SRPK1: variants seen among roughly 807,000 people sequenced by gnomAD.
SRPK1 encodes the protein SRSF protein kinase 1, also known as SFRS protein kinase 1.
Under a neutral mutation model 89.5 loss-of-function variants are expected in SRPK1, and 52 were observed. The ratio of observed to expected loss-of-function variants is 0.58; its 90% CI spans 0.46 to 0.73. The LOEUF is 0.73. SRPK1 is among the 30% of genes least tolerant of loss of function. The pLI is 0.00. For missense variants in SRPK1, 603 were observed against 780.6 expected (o/e 0.77, Z 2.71); for synonymous variants, 255 against 270.2 (o/e 0.94, Z 0.55).
At chr6:35,891,112 T>C in intron 2 of SRPK1, 99 bp from the exon 3 acceptor site, 3 of 1,410,150 alleles carry the variant, frequency 2.1e-6, no homozygotes, top group Non-Finnish European at 1.9e-6. Flanking sequence ...TTTCAGATAA[T>C]ATGAACAGAG....
intron 6 of SRPK1, among the ~76,000 whole-genome samples, chr6:35,881,304 A>G (rs950299785): frequency 6.6e-6 from 1 of 152,204 alleles, no homozygotes; most frequent in African/African-American, 2.4e-5. Flanking sequence ...TATAAAAGCT[A>G]ATATTGTAAT....
intron 6 of SRPK1, among the ~76,000 whole-genome samples, chr6:35,885,328 G>GAGAT (rs1770386093): frequency 7.1e-6 from 1 of 141,532 alleles, no homozygotes; most frequent in Admixed American, 7.2e-5. Context: ...GAGAGAGAGA[G>GAGAT]AGCCATCTAC....
At chr6:35,857,541 C>T (rs999582299) in intron 12 of SRPK1, among the ~76,000 whole-genome samples, 173 bp from the exon 13 acceptor site, 5 of 151,684 alleles carry the variant, frequency 3.3e-5, no homozygotes, top group African/African-American at 1.2e-4. Context: ...CAATCCTTTG[C>T]CTTACACACA....
At chr6:35,915,285 T>C (rs1771062916) in intron 2 of SRPK1, among the ~76,000 whole-genome samples, 1 of 151,510 alleles carries the variant, frequency 6.6e-6, no homozygotes, top group African/African-American at 2.4e-5. Context: ...CGGGCGCCTG[T>C]AGTCCCGGCT....
intron 2 of SRPK1, among the ~76,000 whole-genome samples, chr6:35,900,272 T>G (rs991909147): frequency 2.0e-5 from 3 of 152,188 alleles, no homozygotes; most frequent in Non-Finnish European, 4.4e-5. Context: ...GATGCCTACC[T>G]CATAGGGCAT....
In SRPK1 at chr6:35,888,930, G is replaced by C. The variant is rs757160688; in HGVS notation, c.194-7C>G. ...TTCACAAGATGATAACCTCCTGGAA[G>C]AAACAGGGGAAATACAATCAGAAAA... is the stretch of plus-strand genomic sequence containing the variant. On this transcript the variant is annotated splice_polypyrimidine_tract_variant and splice_region_variant and intron_variant, in intron 3 of 15. Coordinates refer to ENST00000373825, the MANE Select transcript of SRPK1 (RefSeq NM_003137.5). The C allele has an allele frequency of 1.3e-6, 2 of 1,560,860 alleles. No homozygotes were observed. The highest frequency in any genetic ancestry group is 1.4e-5 in the African/African-American group (1 of 73,798).
intron 10 of SRPK1, 129 bp downstream of exon 10, chr6:35,870,152 C>CA (rs1769999260): frequency 1.1e-6 from 1 of 899,634 alleles, no homozygotes; most frequent in African/African-American, 1.7e-5. Flanking sequence ...ACATTTATGA[C>CA]AAGATCCATA....
At chr6:35,906,235 T>A (rs1008960361) in intron 2 of SRPK1, among the ~76,000 whole-genome samples, 3 of 152,152 alleles carry the variant, frequency 2.0e-5, no homozygotes, top group Non-Finnish European at 4.4e-5. Flanking sequence ...TTTTATTATT[T>A]TTTTTTTGAG....
chr6:35,910,082 C>T (rs566282436), intron 2 of SRPK1, among the ~76,000 whole-genome samples: 75 of 152,192 alleles, frequency 4.9e-4, no homozygotes, highest in Middle Eastern at 3.4e-3. Flanking sequence ...CTCCTGGGTT[C>T]AAGAGATTCT....
At chr6:35,919,811 T>TA (rs1581605660) in intron 2 of SRPK1, among the ~76,000 whole-genome samples, 2 of 152,338 alleles carry the variant, frequency 1.3e-5, no homozygotes, top group East Asian at 3.9e-4. Context: ...CTCCCGTTAC[T>TA]ATTGTGATGT....
intron 2 of SRPK1, among the ~76,000 whole-genome samples, chr6:35,906,371 T>G (rs1309282455): frequency 6.6e-6 from 1 of 152,118 alleles, no homozygotes; most frequent in Non-Finnish European, 1.5e-5. Flanking sequence ...ATTACAGGCG[T>G]GCACCATCAC....
At chr6:35,888,407 GGATA>G (rs758011383) in intron 4 of SRPK1, among the ~76,000 whole-genome samples, 16 of 152,142 alleles carry the variant, frequency 1.1e-4, no homozygotes, top group East Asian at 1.9e-4. Context: ...TGCAAAATGA[GGATA>G]AATAAGGGGA....
chr6:35,838,929 A>C, intron 14 of SRPK1: 3 of 976,218 alleles, frequency 3.1e-6, no homozygotes, highest in Non-Finnish European at 4.1e-6. Context: ...AGGAAGACTG[A>C]CTGGGAAGGC....
chr6:35,914,997 T>C (rs1453897896), intron 2 of SRPK1, among the ~76,000 whole-genome samples: 3 of 152,088 alleles, frequency 2.0e-5, no homozygotes, highest in Non-Finnish European at 2.9e-5. Context: ...GGTTTCACTG[T>C]ATTGACCAGG....
intron 13 of SRPK1, among the ~76,000 whole-genome samples, chr6:35,853,601 C>A (rs1179382345): frequency 6.6e-6 from 1 of 152,158 alleles, no homozygotes; most frequent in Non-Finnish European, 1.5e-5. Context: ...ATGCACTTCA[C>A]CCCATGTCCT....
chr6:35,869,818 C>T lies in SRPK1; in HGVS notation c.1075G>A (p.Val359Met). 2 of 1,612,842 alleles carry T rather than the reference C, an allele frequency of 1.2e-6. No homozygotes were observed. Among genetic ancestry groups the T allele is most frequent in the Non-Finnish European group, 1.7e-6 (2 of 1,179,412 alleles). ...TGAGTATAATTAATGACTTCAATCA[C>T]TCCATTGCAATTAATTTCTGCTGCA... ...GGAAEINCNG[V>M]IEVINYTQNS... The change falls in exon 11 of 16, where the codon GTG becomes ATG. Residue 359 changes from valine to methionine, a missense_variant. Physicochemically the swap from Val to Met is conservative, Grantham distance 21. Coordinates refer to ENST00000373825, the MANE Select transcript of SRPK1 (RefSeq NM_003137.5).
intron 13 of SRPK1, among the ~76,000 whole-genome samples, chr6:35,843,993 T>C (rs900563563): frequency 3.3e-5 from 5 of 149,846 alleles, no homozygotes; most frequent in Non-Finnish European, 5.9e-5. Context: ...TAAAAATTAG[T>C]ACACAACAGC....
At chr6:35,843,252 G>A (rs2151079193) in intron 13 of SRPK1, among the ~76,000 whole-genome samples, 1 of 150,840 alleles carries the variant, frequency 6.6e-6, no homozygotes, top group East Asian at 1.9e-4. Flanking sequence ...ACAGGTGTGA[G>A]CCACCACGCC....
chr6:35,909,395 G>A (rs1216494991), intron 2 of SRPK1, among the ~76,000 whole-genome samples: 1 of 152,216 alleles, frequency 6.6e-6, no homozygotes. Context: ...CCCAATGCCT[G>A]TATCCCCATT....
Sources: gnomAD v4.1 joint callset for allele counts (sites outside exome capture counted in the v4.1 genomes callset) on GRCh38, gnomAD v4.1.1 for gene constraint, MANE v1.5 for transcripts, NCBI Gene and HGNC (gene_info 2026-07-23, HGNC 2026-07-21) for gene names.